The following ANKRD29 variants were observed in gnomAD, a reference collection of about 807,000 sequenced individuals.
The protein encoded by ANKRD29 is ankyrin repeat domain-containing protein 29.
In ANKRD29, 32 loss-of-function variants were observed where a neutral mutation model predicts 38.0. The observed-to-expected ratio is 0.84, with a 90% confidence interval of 0.64 to 1.13. The LOEUF (loss-of-function observed/expected upper bound fraction) is 1.13, where lower values mean the gene tolerates loss of function less well. Ranked by LOEUF, ANKRD29 falls within the 50% of genes most tolerant of loss-of-function variation. The probability of loss-of-function intolerance (pLI) is 0.00; values close to 1 mark genes in which losing one functional copy is unlikely to be tolerated. For synonymous variants in ANKRD29, 135 were observed against 152.4 expected (o/e 0.89, Z 0.84); for missense variants, 357 against 377.9 (o/e 0.94, Z 0.46).
intron 1 of ANKRD29, among the ~76,000 whole-genome samples, chr18:23,656,772 A>G (rs2060289517): frequency 6.6e-6 from 1 of 152,230 alleles, no homozygotes; most frequent in African/African-American, 2.4e-5. Context: ...GTGCATTTTA[A>G]TATGTTTGAT....
chr18:23,607,046 G>A (rs1310058379), intron 9 of ANKRD29, among the ~76,000 whole-genome samples: 2 of 152,206 alleles, frequency 1.3e-5, no homozygotes, highest in Non-Finnish European at 2.9e-5. Flanking sequence ...AACTTCTGCA[G>A]TCCCCATCTT....
chr18:23,632,533 G>GTGTATATATATATATATATATATATATA (rs371646966), intron 5 of ANKRD29, among the ~76,000 whole-genome samples: 4 of 130,942 alleles, frequency 3.1e-5, no homozygotes, highest in East Asian at 4.4e-4. Context: ...GTGTGTGTGT[G>GTGTATATATATATATATATATATATATA]TATATATATA....
At position 23,616,550 on chromosome 18, in the gene ANKRD29, G is replaced by GTATATATATATATATATAGTATA. The variant is rs397702856; in HGVS notation, c.723+1181_723+1182insTATACTATATATATATATATATA. Among the ~76,000 whole-genome samples, 2 of 134,170 alleles carry GTATATATATATATATATAGTATA rather than the reference G, an allele frequency of 1.5e-5. 1 individual carries two copies. Among genetic ancestry groups the GTATATATATATATATATAGTATA allele is most frequent in the Admixed American group, 1.6e-4 (2 of 12,548 alleles). 88.0% of individuals were successfully genotyped at this position (134,170 alleles called of 152,430 possible). On this transcript the variant is annotated intron_variant, in intron 8 of 9. Transcript: ENST00000592179. Reference sequence around the variant, plus strand: ...TGTAAATTTATACTATATATATATAGTATATATATATATACACTATATATA... The same window carrying GTATATATATATATATATAGTATA: ...TGTAAATTTATACTATATATATATAGTATATATATATATATATAGTATATATATATATATATACACTATATATA...
chr18:23,646,631 G>A (rs2060143975), intron 2 of ANKRD29: 2 of 171,972 alleles, frequency 1.2e-5, no homozygotes, highest in Non-Finnish European at 2.5e-5. Context: ...CCAAAACATT[G>A]CTATTAATGC....
chr18:23,646,227 G>C lies in ANKRD29; in HGVS notation c.193C>G (p.Leu65Val). 2 of 1,614,164 alleles carry C rather than the reference G, an allele frequency of 1.2e-6. No homozygotes were observed. The highest frequency in any genetic ancestry group is 1.7e-6 in the Non-Finnish European group (2 of 1,180,024). ...YAGHIDCVRE[L>V]VLQGADINLQ... ...TTGATGTCTGCTCCTTGCAGAACCA[G>C]TTCCCTCACACAGTCTATGTGGCCA... Residue 65 changes from leucine to valine, a missense_variant, in exon 3 of 10, where the codon CTG (leucine) becomes GTG (valine). By Grantham distance (32) the Leu-to-Val change is conservative. Transcript: ENST00000592179.
intron 9 of ANKRD29, among the ~76,000 whole-genome samples, chr18:23,602,245 AG>A (rs2059523123): frequency 6.6e-6 from 1 of 151,944 alleles, no homozygotes; most frequent in Admixed American, 6.6e-5. Context: ...CCATTTAGCC[AG>A]GCTGGTCTTG....
intron 1 of ANKRD29, among the ~76,000 whole-genome samples, chr18:23,659,572 G>T (rs1305842435): frequency 6.6e-6 from 1 of 151,848 alleles, no homozygotes; most frequent in African/African-American, 2.4e-5. Flanking sequence ...GTGAAACCCG[G>T]TCTCTACTAA....
intron 9 of ANKRD29, 33 bp downstream of exon 9, chr18:23,612,059 C>T (rs969145821): frequency 1.3e-6 from 2 of 1,589,784 alleles, no homozygotes; most frequent in Admixed American, 1.7e-5. Flanking sequence ...CATCAATGGG[C>T]CCAAACGAGT....
intron 5 of ANKRD29, among the ~76,000 whole-genome samples, chr18:23,631,089 T>C (rs2059926043): frequency 6.6e-6 from 1 of 151,848 alleles, no homozygotes; most frequent in Non-Finnish European, 1.5e-5. Context: ...AACATGAGGG[T>C]TCTGCAAGAA....
intron 9 of ANKRD29, among the ~76,000 whole-genome samples, chr18:23,602,451 C>T (rs769613460): frequency 9.9e-5 from 15 of 152,122 alleles, no homozygotes; most frequent in Non-Finnish European, 1.8e-4. Flanking sequence ...CACTCGAAGG[C>T]CTTTCTTTTC....
chr18:23,606,375 C>A (rs1467202291), intron 9 of ANKRD29, among the ~76,000 whole-genome samples: 1 of 152,246 alleles, frequency 6.6e-6, no homozygotes, highest in African/African-American at 2.4e-5. Flanking sequence ...CTGCCTCAAC[C>A]TTCCATACTG....
chr18:23,611,882 A>C (rs1331325854), intron 9 of ANKRD29, among the ~76,000 whole-genome samples: 4 of 151,800 alleles, frequency 2.6e-5, no homozygotes. Context: ...AAAAAAAAAA[A>C]CCATTGATAT....
chr18:23,654,276 C>CAAAA (rs1004088612), intron 1 of ANKRD29, among the ~76,000 whole-genome samples: 2 of 130,522 alleles, frequency 1.5e-5, no homozygotes, highest in African/African-American at 6.1e-5. Flanking sequence ...CCAGCCTCCA[C>CAAAA]AAAAAATAAA....
chr18:23,602,318 G>C (rs2059524516), intron 9 of ANKRD29, among the ~76,000 whole-genome samples: 1 of 152,070 alleles, frequency 6.6e-6, no homozygotes, highest in Non-Finnish European at 1.5e-5. Context: ...TTACAGGTGT[G>C]AGCCACCGCG....
At chr18:23,644,036 G>A (rs2060109509) in intron 3 of ANKRD29, among the ~76,000 whole-genome samples, 1 of 152,172 alleles carries the variant, frequency 6.6e-6, no homozygotes, top group South Asian at 2.1e-4. Flanking sequence ...GGGACTGCCA[G>A]GAACTTACAT....
At chr18:23,615,002 C>T (rs761979931) in intron 8 of ANKRD29, among the ~76,000 whole-genome samples, 1 of 152,166 alleles carries the variant, frequency 6.6e-6, no homozygotes, top group Non-Finnish European at 1.5e-5. Flanking sequence ...TCAAATCCTG[C>T]AAGCTAAGAA....
At chr18:23,651,541 T>G (rs2060211459) in intron 1 of ANKRD29, among the ~76,000 whole-genome samples, 1 of 152,216 alleles carries the variant, frequency 6.6e-6, no homozygotes, top group African/African-American at 2.4e-5. Flanking sequence ...CAATGTAATA[T>G]GCACCAGGGA....
chr18:23,625,874 G>C (rs770569659), intron 6 of ANKRD29, among the ~76,000 whole-genome samples: 6 of 152,092 alleles, frequency 3.9e-5, no homozygotes, highest in Non-Finnish European at 7.4e-5. Flanking sequence ...TCTTCCTGGG[G>C]CTTATGCTTA....
At chr18:23,628,070 G>T (rs1388950163) in intron 6 of ANKRD29, among the ~76,000 whole-genome samples, 1 of 152,092 alleles carries the variant, frequency 6.6e-6, no homozygotes, top group Non-Finnish European at 1.5e-5. Context: ...AAGAAATATT[G>T]ATTGAATGTT....
Sources: gnomAD v4.1 joint callset for allele counts (sites outside exome capture counted in the v4.1 genomes callset) on GRCh38, gnomAD v4.1.1 for gene constraint, MANE v1.5 for transcripts, NCBI Gene and HGNC (gene_info 2026-07-23, HGNC 2026-07-21) for gene names.